The following HECW2 variants were observed in gnomAD, a reference collection of about 807,000 sequenced individuals.
The protein encoded by HECW2 is HECT, C2 and WW domain containing E3 ubiquitin protein ligase 2, also known as E3 ubiquitin-protein ligase HECW2.
A neutral mutation model predicts 175.2 loss-of-function variants in HECW2; 61 were observed. That is an observed-to-expected ratio of 0.35 (90% CI 0.28 to 0.43). The LOEUF is 0.43. Among genes scored for constraint, HECW2 ranks in the 20% least tolerant of loss-of-function variants. The pLI is 1.00. For synonymous variants in HECW2, 671 were observed against 731.0 expected, an observed-to-expected ratio of 0.92 and a Z score of 1.32; for missense variants, 1,524 against 2,000.5, an observed-to-expected ratio of 0.76 and a Z score of 4.54.
At chr2:196,341,648 C>T (rs1575435576) in intron 3 of HECW2, among the ~76,000 whole-genome samples, 1 of 152,228 alleles carries the variant, frequency 6.6e-6, no homozygotes, top group Non-Finnish European at 1.5e-5. Context: ...ACCTACTTCC[C>T]CTTTCTGACC....
In HECW2 at chr2:196,586,746, A is replaced by C. The variant is rs1320350434; in HGVS notation, c.-36+6762T>G. 3.9e-5 allele frequency: 6 copies of C among 152,110 alleles called. 1 individual carries two copies. Among genetic ancestry groups the C allele is most frequent in the Admixed American group, 2.0e-4 (3 of 15,286 alleles). 9.4% of individuals were successfully genotyped at this position (152,110 alleles called of 1,614,324 possible). A position where few individuals can be genotyped will look rare whatever the true frequency, so the allele number is the denominator to read the frequency against. ...CTCATGAATAATGGTTAACCAAAAA[A>C]AAAAAAACAAAAAAAAACTCTTCCT... On this transcript the variant is annotated intron_variant, in intron 1 of 28. Coordinates refer to ENST00000644978, the MANE Select transcript of HECW2 (RefSeq NM_001348768.2).
rs1323492363 is a variant in HECW2, at chr2:196,200,968, T to C, written c.*309A>G. ...AAGATTCTCCTGAGTCCCTAAAAAT[T>C]ACCGTGGAGCTGATCATGTATGGGT... is the stretch of plus-strand genomic sequence containing the variant. On this transcript the variant is annotated 3_prime_UTR_variant, in exon 29 of 29. Transcript: ENST00000644978. 5.0e-6 allele frequency: 1 copy of C among 201,200 alleles called. No individual in the cohort carries two copies. The highest frequency in any genetic ancestry group is 1.0e-5 in the Non-Finnish European group (1 of 97,426). The allele number at this position is 201,200 out of a possible 1,614,324, so 12.5% of individuals were successfully genotyped here.
chr2:196,365,153 G>T (rs1693709974), intron 2 of HECW2, among the ~76,000 whole-genome samples: 1 of 152,192 alleles, frequency 6.6e-6, no homozygotes, highest in Non-Finnish European at 1.5e-5. Context: ...CACAATTAAA[G>T]ACATCACTTA....
intron 2 of HECW2, among the ~76,000 whole-genome samples, chr2:196,401,207 C>G (rs1206732772): frequency 1.3e-5 from 2 of 151,834 alleles, no homozygotes. Context: ...AATATTAAGA[C>G]CAACCCAAAG....
At chr2:196,506,978 C>G (rs766373161) in intron 1 of HECW2, among the ~76,000 whole-genome samples, 12 of 152,032 alleles carry the variant, frequency 7.9e-5, no homozygotes, top group Non-Finnish European at 1.5e-4. Flanking sequence ...ATAAAATTAC[C>G]AAGCAGGTTT....
intron 2 of HECW2, among the ~76,000 whole-genome samples, chr2:196,415,652 A>G (rs1409213456): frequency 1.3e-5 from 2 of 152,198 alleles, no homozygotes; most frequent in East Asian, 3.9e-4. Context: ...AGCCAGTAAG[A>G]GATGGCTCCA....
At chr2:196,271,761 CA>C (rs1689749284) in intron 16 of HECW2, among the ~76,000 whole-genome samples, 1 of 152,084 alleles carries the variant, frequency 6.6e-6, no homozygotes, top group Non-Finnish European at 1.5e-5. Flanking sequence ...ACAACAACAA[CA>C]AAAAATAAAT....
At chr2:196,336,177 T>C (rs1476071338) in intron 3 of HECW2, among the ~76,000 whole-genome samples, 1 of 152,238 alleles carries the variant, frequency 6.6e-6, no homozygotes, top group African/African-American at 2.4e-5. Flanking sequence ...GCTTTACTAT[T>C]ACTTTGCCTC....
At chr2:196,461,355 C>G (rs1696736235) in intron 1 of HECW2, among the ~76,000 whole-genome samples, 1 of 152,148 alleles carries the variant, frequency 6.6e-6, no homozygotes, top group South Asian at 2.1e-4. Flanking sequence ...TTAAGACAGC[C>G]AATACTGAAT....
chr2:196,466,390 C>G (rs957539370), intron 1 of HECW2, among the ~76,000 whole-genome samples: 30 of 152,140 alleles, frequency 2.0e-4, no homozygotes, highest in African/African-American at 7.2e-4. Flanking sequence ...CCATTCTGTC[C>G]CTGGGTTTAG....
intron 1 of HECW2, among the ~76,000 whole-genome samples, chr2:196,551,386 T>G (rs967551915): frequency 6.6e-6 from 1 of 152,156 alleles, no homozygotes; most frequent in Non-Finnish European, 1.5e-5. Context: ...GTATGAGACC[T>G]TAAAAGACCA....
chr2:196,407,392 G>A (rs1381512128), intron 2 of HECW2, among the ~76,000 whole-genome samples: 1 of 151,860 alleles, frequency 6.6e-6, no homozygotes, highest in East Asian at 1.9e-4. Flanking sequence ...GTGAAAGACA[G>A]GGTTTCACCA....
chr2:196,555,587 C>T (rs1689766169), intron 1 of HECW2, among the ~76,000 whole-genome samples: 1 of 151,928 alleles, frequency 6.6e-6, no homozygotes, highest in Admixed American at 6.5e-5. Context: ...GATAAGAGTA[C>T]ACTTCAGAAA....
chr2:196,486,548 G>A (rs75895154), intron 1 of HECW2, among the ~76,000 whole-genome samples: 1,922 of 152,258 alleles, frequency 0.013, 42 homozygotes, highest in African/African-American at 0.044. Context: ...ACAAAGAAGT[G>A]GCAACACTGA....
At chr2:196,431,617 T>A (rs1316483941) in intron 2 of HECW2, among the ~76,000 whole-genome samples, 1 of 152,104 alleles carries the variant, frequency 6.6e-6, no homozygotes, top group African/African-American at 2.4e-5. Flanking sequence ...AAGAGTGAAA[T>A]TACATTCAAA....
intron 1 of HECW2, among the ~76,000 whole-genome samples, chr2:196,554,065 G>A (rs539172652): frequency 2.0e-5 from 3 of 152,306 alleles, no homozygotes; most frequent in East Asian, 3.9e-4. Context: ...TGGGCCGGGC[G>A]CGGTGGCTCA....
At chr2:196,579,029 G>A (rs567069448) in intron 1 of HECW2, among the ~76,000 whole-genome samples, 35 of 151,934 alleles carry the variant, frequency 2.3e-4, no homozygotes, top group Non-Finnish European at 2.4e-4. Context: ...GTGTAGTCAC[G>A]GGTTTATAAT....
chr2:196,507,282 C>A (rs896434355), intron 1 of HECW2, among the ~76,000 whole-genome samples: 1 of 151,728 alleles, frequency 6.6e-6, no homozygotes, highest in African/African-American at 2.4e-5. Flanking sequence ...CAAAACCATT[C>A]ATTACCTTTT....
At chr2:196,433,935 C>T (rs1001946609) in intron 1 of HECW2, among the ~76,000 whole-genome samples, 1 of 152,226 alleles carries the variant, frequency 6.6e-6, no homozygotes, top group African/African-American at 2.4e-5. Context: ...AAGAATGTAA[C>T]TCACTGAAAT....
Sources: allele counts gnomAD v4.1 joint callset (sites outside exome capture counted in the v4.1 genomes callset), GRCh38; gene constraint gnomAD v4.1.1; transcripts MANE v1.5; gene names NCBI Gene and HGNC (gene_info 2026-07-23, HGNC 2026-07-21).